Variants in NAA15 observed in about 807,000 individuals in gnomAD.
NAA15 encodes N-terminal acetyltransferase.
A neutral mutation model predicts 114.0 loss-of-function variants in NAA15; 34 were observed. The observed-to-expected ratio is 0.30, with a 90% CI of 0.23 to 0.40. The LOEUF is 0.40. Among genes scored for constraint, NAA15 ranks in the 10% least tolerant of loss-of-function variants. The probability of loss-of-function intolerance (pLI) is 1.00; values close to 1 mark genes in which losing one functional copy is unlikely to be tolerated. For synonymous variants in NAA15, 340 were observed against 338.0 expected, an observed-to-expected ratio of 1.01 and a Z score of -0.06; for missense variants, 658 against 1,004.5, an observed-to-expected ratio of 0.66 and a Z score of 4.66.
At chr4:139,339,162 A>G (rs947041312) in intron 3 of NAA15, among the ~76,000 whole-genome samples, 13 of 152,172 alleles carry the variant, frequency 8.5e-5, no homozygotes, top group Non-Finnish European at 2.9e-5. Flanking sequence ...GTTTCTGGAA[A>G]GGGAAGTGGA....
chr4:139,330,899 A>G (rs57733703), intron 1 of NAA15, among the ~76,000 whole-genome samples: 102 of 152,302 alleles, frequency 6.7e-4, no homozygotes, highest in African/African-American at 2.3e-3. Context: ...TGATTTCTTC[A>G]TGCTAAAATG....
In NAA15 at chr4:139,312,007, G is replaced by T. The variant is rs150126196; in HGVS notation, c.54+10176G>T. 5.3e-3 allele frequency among the ~76,000 whole-genome samples: 799 copies of T among 151,892 alleles called. 15 individuals are homozygous for T. The highest frequency in any genetic ancestry group is 0.015 in the African/African-American group (608 of 41,366). ...GAGGGAAAGTAATCGTAGTGTTAGA[G>T]TTGCTTTGTGTTTTTCAGAAAATTT... On this transcript the variant is annotated intron_variant, in intron 1 of 19. Transcript: ENST00000296543.
At chr4:139,352,352 G>A (rs897605361) in intron 9 of NAA15, among the ~76,000 whole-genome samples, 5 of 151,622 alleles carry the variant, frequency 3.3e-5, no homozygotes, top group Non-Finnish European at 7.4e-5. Flanking sequence ...CAAATGATCC[G>A]CCCACCTCGG....
intron 1 of NAA15, among the ~76,000 whole-genome samples, chr4:139,312,070 A>C (rs946460398): frequency 1.3e-5 from 2 of 151,994 alleles, no homozygotes; most frequent in African/African-American, 4.8e-5. Flanking sequence ...TGGGAAGCTG[A>C]TGTGGAAGAG....
chr4:139,336,507 T>C (rs1747205140), intron 2 of NAA15, among the ~76,000 whole-genome samples: 1 of 152,162 alleles, frequency 6.6e-6, no homozygotes, highest in Admixed American at 6.5e-5. Context: ...TTTTATATTT[T>C]AATGAAGTAG....
In NAA15 at chr4:139,301,612, A is replaced by T; in HGVS notation, c.-166A>T. The T allele has an allele frequency of 1.4e-6, 1 of 690,244 alleles. No homozygotes were observed. The allele number at this position is 690,244 out of a possible 1,614,324, so 42.8% of individuals were successfully genotyped here. A position where few individuals can be genotyped will look rare whatever the true frequency, so the allele number is the denominator to read the frequency against. On this transcript the variant is annotated 5_prime_UTR_variant, in exon 1 of 20. Transcript: ENST00000296543. ...GAGAAAGGAAAAAAGACAACGAGGA[A>T]AAAGGAGGTGTCCGGGTAGGGCAAC...
intron 17 of NAA15, among the ~76,000 whole-genome samples, chr4:139,380,076 C>A (rs1413360613): frequency 6.6e-6 from 1 of 152,072 alleles, no homozygotes; most frequent in Non-Finnish European, 1.5e-5. Context: ...TTTTGACTTT[C>A]CAGAAAGATT....
At chr4:139,375,265 C>T (rs1033065975) in intron 15 of NAA15, among the ~76,000 whole-genome samples, 6 of 152,140 alleles carry the variant, frequency 3.9e-5, no homozygotes, top group African/African-American at 1.2e-4. Context: ...CCTGAATCCA[C>T]AGTTATTAGA....
Position 139,349,588 on chromosome 4 carries a change from T to C in NAA15, c.811+7T>C. ...GAAAAAGCACTCAAGCCAGGTAGTA[T>C]TGTTTAAAACTTACTAAGTTTTATT... On this transcript the variant is annotated splice_region_variant and intron_variant, in intron 7 of 19. Coordinates refer to ENST00000296543, the MANE Select transcript of NAA15 (RefSeq NM_057175.5). 1.3e-6 allele frequency: 2 copies of C among 1,593,896 alleles called. No homozygotes were observed. The highest frequency in any genetic ancestry group is 2.3e-5 in the South Asian group (2 of 85,704).
intron 2 of NAA15, 74 bp from the exon 3 acceptor site, chr4:139,336,774 A>G (rs1407303668): frequency 1.2e-6 from 1 of 801,278 alleles, no homozygotes; most frequent in Non-Finnish European, 1.8e-6. Flanking sequence ...TTTTGAGATT[A>G]TGGTTCTGTT....
chr4:139,358,416 G>A (rs529129129), intron 11 of NAA15, among the ~76,000 whole-genome samples: 36 of 152,040 alleles, frequency 2.4e-4, no homozygotes, highest in African/African-American at 7.2e-4. Flanking sequence ...GGCTGGTCTC[G>A]AACTCCTGGC....
chr4:139,371,376 A>C lies in NAA15; in HGVS notation c.1947+972A>C, dbSNP rs150159153. 7.7e-3 allele frequency among the ~76,000 whole-genome samples: 1,171 copies of C among 151,842 alleles called. 6 individuals are homozygous for C. The highest frequency in any genetic ancestry group is 0.01 in the Non-Finnish European group (706 of 67,916). On this transcript the variant is annotated intron_variant, in intron 15 of 19. Coordinates refer to ENST00000296543, the MANE Select transcript of NAA15 (RefSeq NM_057175.5). ...AGGCTGAGGTGGGAGGATCACTTGA[A>C]TCTAGGAGTTCAAGGCTGCAGTACA...
At position 139,315,068 on chromosome 4, in the gene NAA15, T is replaced by C. The variant is rs541293309; in HGVS notation, c.54+13237T>C. ...TAGGTTAGGTTAGTTTAGTTTAGTT[T>C]AGTTTAGTTTTTGAGACGGAGTCTC... is the stretch of plus-strand genomic sequence containing the variant. On this transcript the variant is annotated intron_variant, in intron 1 of 19. Transcript: ENST00000296543. 2.4e-4 allele frequency among the ~76,000 whole-genome samples: 33 copies of C among 138,338 alleles called. 2 individuals are homozygous for C. Among genetic ancestry groups the C allele is most frequent in the African/African-American group, 4.9e-4 (17 of 34,900 alleles). 90.8% of individuals were successfully genotyped at this position (138,338 alleles called of 152,430 possible). A position where few individuals can be genotyped will look rare whatever the true frequency, so the allele number is the denominator to read the frequency against.
At chr4:139,321,216 CTT>C (rs1400793736) in intron 1 of NAA15, among the ~76,000 whole-genome samples, 1 of 151,644 alleles carries the variant, frequency 6.6e-6, no homozygotes, top group African/African-American at 2.4e-5. Context: ...TAAATTTGCT[CTT>C]GTTTTTTCTA....
chr4:139,382,666 C>T (rs1177180269), intron 17 of NAA15, among the ~76,000 whole-genome samples: 1 of 152,062 alleles, frequency 6.6e-6, no homozygotes, highest in African/African-American at 2.4e-5. Flanking sequence ...TCTATTCCTG[C>T]TTTTCCACTG....
At position 139,370,401 on chromosome 4, in the gene NAA15, C is replaced by T. The variant is rs17050748; in HGVS notation, c.1944C>T (p.Ala648=). 2,276 of 1,570,946 alleles carry T rather than the reference C, an allele frequency of 1.4e-3. 32 individuals are homozygous for T. The African/African-American group carries it at 0.028, about 19-fold the overall frequency. The change falls in exon 15 of 20, where the codon GCC becomes GCT. Residue 648 remains alanine, a synonymous_variant. Coordinates refer to ENST00000296543, the MANE Select transcript of NAA15 (RefSeq NM_057175.5). ...PKEELIPEKL[A]KVETPLEEAI... ...AAGAACTTATTCCAGAGAAACTGGC[C>T]AAGGTACTTAATAATAGTGTTTAGC...
intron 19 of NAA15, among the ~76,000 whole-genome samples, chr4:139,387,601 T>G (rs1748944499): frequency 6.6e-6 from 1 of 152,206 alleles, no homozygotes; most frequent in African/African-American, 2.4e-5. Flanking sequence ...GTGAGTGGCT[T>G]TTTAAATGTA....
At chr4:139,306,365 A>G (rs1435524176) in intron 1 of NAA15, among the ~76,000 whole-genome samples, 1 of 151,566 alleles carries the variant, frequency 6.6e-6, no homozygotes. Context: ...AGTAGCTGGG[A>G]TTACAGGCGC....
At chr4:139,306,460 A>G (rs979203196) in intron 1 of NAA15, among the ~76,000 whole-genome samples, 10 of 151,478 alleles carry the variant, frequency 6.6e-5, no homozygotes, top group African/African-American at 2.4e-4. Flanking sequence ...GTCTTGAACT[A>G]GTGACCTCAA....
Sources: gnomAD v4.1 joint callset for allele counts (sites outside exome capture counted in the v4.1 genomes callset) on GRCh38, gnomAD v4.1.1 for gene constraint, MANE v1.5 for transcripts, NCBI Gene and HGNC (gene_info 2026-07-23, HGNC 2026-07-21) for gene names.